MEF2D: variants seen among roughly 807,000 people sequenced by gnomAD.
The protein encoded by MEF2D is myocyte-specific enhancer factor 2D.
Under a neutral mutation model 59.3 loss-of-function variants are expected in MEF2D, and 10 were observed. The ratio of observed to expected loss-of-function variants is 0.17; its 90% confidence interval spans 0.10 to 0.29. The LOEUF is 0.29. Among genes scored for constraint, MEF2D ranks in the 10% least tolerant of loss-of-function variants. MEF2D has a pLI of 1.00. For missense variants in MEF2D, 508 were observed against 699.4 expected, an observed-to-expected ratio of 0.73 and a Z score of 3.09; for synonymous variants, 305 against 295.0, an observed-to-expected ratio of 1.03 and a Z score of -0.35.
chr1:156,488,551 G>A (rs537472815), intron 1 of MEF2D, among the ~76,000 whole-genome samples: 6 of 152,292 alleles, frequency 3.9e-5, no homozygotes, highest in African/African-American at 1.2e-4. Flanking sequence ...CCCAGGTACC[G>A]ACCCAATTAG....
At chr1:156,470,342 C>T (rs1392521606) in intron 9 of MEF2D, among the ~76,000 whole-genome samples, 1 of 151,592 alleles carries the variant, frequency 6.6e-6, no homozygotes, top group Non-Finnish European at 1.5e-5. Context: ...TTGCTTGAAC[C>T]TGGGAGGTGG....
At chr1:156,488,529 C>T (rs1672527078) in intron 1 of MEF2D, among the ~76,000 whole-genome samples, 1 of 152,152 alleles carries the variant, frequency 6.6e-6, no homozygotes, top group Non-Finnish European at 1.5e-5. Context: ...CACTGATAGC[C>T]ATTTTTCCAA....
chr1:156,499,924 C>T (rs1673382213), intron 1 of MEF2D, among the ~76,000 whole-genome samples: 2 of 152,082 alleles, frequency 1.3e-5, no homozygotes, highest in South Asian at 4.1e-4. Flanking sequence ...ACCCACTACC[C>T]CGGTGTCATC....
intron 1 of MEF2D, among the ~76,000 whole-genome samples, chr1:156,497,764 C>G (rs1673215207): frequency 6.6e-6 from 1 of 152,086 alleles, no homozygotes; most frequent in African/African-American, 2.4e-5. Flanking sequence ...CCACACCAGG[C>G]CAGCGTAAGT....
At position 156,464,562 on chromosome 1, in the gene MEF2D, G is replaced by A. The variant is rs952048903; in HGVS notation, c.*3083C>T. On this transcript the variant is annotated 3_prime_UTR_variant, in exon 12 of 12. Transcript: ENST00000348159. The stretch of plus-strand genomic sequence containing the variant: ...TTGGCAAATGCCCAGTTCTTCAGAG[G>A]GAGTGGGTGGAGGCGAATTTGGCTT... The A allele has an allele frequency of 2.6e-5, 4 of 152,184 alleles. No homozygotes were observed. Among genetic ancestry groups the A allele is most frequent in the African/African-American group, 9.7e-5 (4 of 41,414 alleles). 9.4% of individuals were successfully genotyped at this position (152,184 alleles called of 1,614,324 possible). A position where few individuals can be genotyped will look rare whatever the true frequency, so the allele number is the denominator to read the frequency against.
Position 156,467,520 on chromosome 1 carries a change from C to T in MEF2D, c.*125G>A, listed in dbSNP as rs898499198. 4 of 554,100 alleles carry T rather than the reference C, an allele frequency of 7.2e-6. No individual in the cohort carries two copies. Among genetic ancestry groups the T allele is most frequent in the Non-Finnish European group, 1.2e-5 (4 of 333,048 alleles). The allele number at this position is 554,100 out of a possible 1,614,324, so 34.3% of individuals were successfully genotyped here. On this transcript the variant is annotated 3_prime_UTR_variant, in exon 12 of 12. Coordinates refer to ENST00000348159, the MANE Select transcript of MEF2D (RefSeq NM_005920.4). The stretch of plus-strand genomic sequence containing the variant: ...AATAATTATACACAAATGTAACCGT[C>T]AACAGGACACGAAGCACAAGAAAGG...
Position 156,468,521 on chromosome 1 carries a change from T to C in MEF2D, c.1248-222A>G, listed in dbSNP as rs551901236. Among the ~76,000 whole-genome samples the C allele has an allele frequency of 1.3e-5, 2 of 152,210 alleles. No individual in the cohort carries two copies. Among genetic ancestry groups the C allele is most frequent in the Non-Finnish European group, 2.9e-5 (2 of 67,978 alleles). ...AAATATTAGTTCTCTTTCCATCCCA[T>C]GTCATCTTCTGCAACACAGGGCCCC... On this transcript the variant is annotated intron_variant, in intron 10 of 11. Coordinates refer to ENST00000348159, the MANE Select transcript of MEF2D (RefSeq NM_005920.4). The surrounding 1 kb of genome is among the most constrained non-coding windows in gnomAD (Gnocchi z 4.3).
intron 2 of MEF2D, among the ~76,000 whole-genome samples, chr1:156,482,936 A>G (rs1290761924): frequency 6.6e-6 from 1 of 152,186 alleles, no homozygotes; most frequent in Non-Finnish European, 1.5e-5. Flanking sequence ...AAGAAGAGGG[A>G]GAGGATTCCT....
intron 1 of MEF2D, among the ~76,000 whole-genome samples, chr1:156,493,636 C>T (rs1672955756): frequency 6.6e-6 from 1 of 152,194 alleles, no homozygotes; most frequent in South Asian, 2.1e-4. Context: ...ATCCGTGCTC[C>T]TTACCAATAC....
chr1:156,477,475 G>A (rs1671693477), intron 6 of MEF2D, among the ~76,000 whole-genome samples: 3 of 152,190 alleles, frequency 2.0e-5, no homozygotes, highest in African/African-American at 7.2e-5. Flanking sequence ...AAGTCAGTGG[G>A]AAGAACTGGA....
rs1183462676 is a variant in MEF2D at position 156,468,327 on chromosome 1, C to T, written c.1248-28G>A. 27 of 1,510,964 alleles carry T rather than the reference C, an allele frequency of 1.8e-5. No individual in the cohort carries two copies. The highest frequency in any genetic ancestry group is 2.8e-5 in the African/African-American group (2 of 71,610). The allele number at this position is 1,510,964 out of a possible 1,614,324, so 93.6% of individuals were successfully genotyped here. A position where few individuals can be genotyped will look rare whatever the true frequency, so the allele number is the denominator to read the frequency against. On this transcript the variant is annotated intron_variant, in intron 10 of 11. Transcript: ENST00000348159. This position sits in a 1 kb window ranked among gnomAD's most constrained non-coding sequence, Gnocchi z 4.3. Reference sequence around the variant, plus strand: ...GGAGGCAGGCAATGGAAATGGGGTACAAGGGATAAAAACAGAGGGGGTGAG... The same window carrying T: ...GGAGGCAGGCAATGGAAATGGGGTATAAGGGATAAAAACAGAGGGGGTGAG...
intron 1 of MEF2D, among the ~76,000 whole-genome samples, chr1:156,495,429 C>G (rs1673071776): frequency 1.3e-5 from 2 of 152,290 alleles, no homozygotes; most frequent in South Asian, 4.1e-4. Context: ...CAGTACAAAG[C>G]TTGGCACACA....
intron 9 of MEF2D, among the ~76,000 whole-genome samples, chr1:156,473,498 C>T (rs1418910097): frequency 6.6e-6 from 1 of 152,188 alleles, no homozygotes; most frequent in African/African-American, 2.4e-5. Context: ...CTGAGGAAGG[C>T]AGAGGTCTCT....
At position 156,468,546 on chromosome 1, in the gene MEF2D, C is replaced by T. The variant is rs1671015220; in HGVS notation, c.1247+234G>A. ...TGTCATCTTCTGCAACACAGGGCCC[C>T]CCACCTCCCACCCCCTACCCTGGGG... On this transcript the variant is annotated intron_variant, in intron 10 of 11. Coordinates refer to ENST00000348159, the MANE Select transcript of MEF2D (RefSeq NM_005920.4). This position sits in a 1 kb window ranked among gnomAD's most constrained non-coding sequence, Gnocchi z 4.3. Among the ~76,000 whole-genome samples the T allele has an allele frequency of 6.6e-6, 1 of 152,106 alleles. No individual in the cohort carries two copies. The highest frequency in any genetic ancestry group is 6.5e-5 in the Admixed American group (1 of 15,282).
Position 156,477,153 on chromosome 1 carries a change from G to A in MEF2D, c.714C>T (p.Ala238=). 1 of 1,613,724 alleles carries A rather than the reference G, an allele frequency of 6.2e-7. No individual in the cohort carries two copies. The highest frequency in any genetic ancestry group is 8.5e-7 in the Non-Finnish European group (1 of 1,179,754). The stretch of plus-strand genomic sequence containing the variant: ...TGACCTTGTTTAGGCTGTTGCCATT[G>A]GCCACAGGGAGGAGGCCAGGGGAAG... ...ARASPGLLPV[A]NGNSLNKVIP... Residue 238 remains alanine (A), a synonymous_variant, in exon 7 of 12, where the codon GCC becomes GCT. Coordinates refer to ENST00000348159, the MANE Select transcript of MEF2D (RefSeq NM_005920.4).
At chr1:156,500,199 C>T (rs946213201) in intron 1 of MEF2D, among the ~76,000 whole-genome samples, 1 of 152,138 alleles carries the variant, frequency 6.6e-6, no homozygotes, top group Admixed American at 6.5e-5. Context: ...AACAGGCGGG[C>T]GCGCCCCCAA....
At chr1:156,494,276 G>A (rs1672996412) in intron 1 of MEF2D, among the ~76,000 whole-genome samples, 1 of 151,902 alleles carries the variant, frequency 6.6e-6, no homozygotes, top group African/African-American at 2.4e-5. Flanking sequence ...CACTCCACCC[G>A]CCTGCCGTGC....
intron 1 of MEF2D, among the ~76,000 whole-genome samples, chr1:156,485,750 G>T (rs2102177058): frequency 6.7e-6 from 1 of 149,778 alleles, no homozygotes; most frequent in African/African-American, 2.5e-5. Context: ...TGCTTAGGCT[G>T]GTTCAAACTC....
At chr1:156,484,681 C>A (rs1672234061) in intron 1 of MEF2D, among the ~76,000 whole-genome samples, 1 of 152,216 alleles carries the variant, frequency 6.6e-6, no homozygotes, top group African/African-American at 2.4e-5. Flanking sequence ...CCTGTAACCC[C>A]CTCACAGCCC....
Sources: allele counts gnomAD v4.1 joint callset (sites outside exome capture counted in the v4.1 genomes callset), GRCh38; gene constraint gnomAD v4.1.1; non-coding constraint Gnocchi (gnomAD v3.1); transcripts MANE v1.5; gene names NCBI Gene and HGNC (gene_info 2026-07-23, HGNC 2026-07-21).